Variants in GYS2 observed in about 807,000 individuals in gnomAD.
GYS2 encodes the protein glycogen synthase 2.
In GYS2, 80 loss-of-function variants were observed where a neutral mutation model predicts 85.6. The ratio of observed to expected loss-of-function variants is 0.93; its 90% CI spans 0.78 to 1.13. The LOEUF (loss-of-function observed/expected upper bound fraction) is 1.13. GYS2 is among the 50% of genes most tolerant of loss of function. The pLI, the probability that GYS2 is intolerant of heterozygous loss-of-function variation, is 0.00. For synonymous variants in GYS2, 328 were observed against 300.7 expected (o/e 1.09, Z -0.94); for missense variants, 881 against 854.9 (o/e 1.03, Z -0.38).
chr12:21,556,839 T>C (rs964363283), intron 11 of GYS2, among the ~76,000 whole-genome samples: 1 of 152,232 alleles, frequency 6.6e-6, no homozygotes, highest in Non-Finnish European at 1.5e-5. Flanking sequence ...CATGGTTTTG[T>C]AAAAACATCA....
intron 4 of GYS2, among the ~76,000 whole-genome samples, chr12:21,571,339 T>A (rs1341655156): frequency 6.6e-6 from 1 of 152,240 alleles, no homozygotes. Context: ...TTAAAATCTC[T>A]GTACAATAAT....
At chr12:21,584,192 G>A (rs942840298) in intron 1 of GYS2, among the ~76,000 whole-genome samples, 1 of 152,212 alleles carries the variant, frequency 6.6e-6, no homozygotes, top group African/African-American at 2.4e-5. Flanking sequence ...CACAGAAGGA[G>A]AAATGGCCAG....
downstream of GYS2, chr12:21,535,235 T>G (rs562038559): frequency 6.8e-6 from 1 of 147,556 alleles, no homozygotes; most frequent in Admixed American, 6.9e-5. Context: ...TAGGCATGTT[T>G]TCAATAACAG....
At chr12:21,538,648 T>C (rs1305792884) in intron 15 of GYS2, among the ~76,000 whole-genome samples, 1 of 152,140 alleles carries the variant, frequency 6.6e-6, no homozygotes, top group African/African-American at 2.4e-5. Flanking sequence ...AGCTCTTGGA[T>C]TGCTGTGTAG....
intron 14 of GYS2, among the ~76,000 whole-genome samples, chr12:21,539,660 T>C (rs1169343494): frequency 2.6e-5 from 4 of 152,110 alleles, no homozygotes; most frequent in Non-Finnish European, 4.4e-5. Context: ...GGAGAAAAGA[T>C]AGGGCCTGAA....
At chr12:21,554,309 T>C (rs989007224) in intron 11 of GYS2, among the ~76,000 whole-genome samples, 7 of 152,068 alleles carry the variant, frequency 4.6e-5, no homozygotes, top group Admixed American at 3.3e-4. Flanking sequence ...TGGGCTGCAG[T>C]CTGTGGTTCT....
Position 21,541,085 on chromosome 12 carries a change from C to A in GYS2, c.1646-512G>T, listed in dbSNP as rs572207406. On this transcript the variant is annotated intron_variant, in intron 13 of 15. Coordinates refer to ENST00000261195, the MANE Select transcript of GYS2 (RefSeq NM_021957.4). ...CCCAGGAGTTCAAGACCAACCTGGG[C>A]AACCTGGGGAAATCCCATCTCTACA... Among the ~76,000 whole-genome samples, 6 of 151,910 alleles carry A rather than the reference C, an allele frequency of 3.9e-5. No homozygotes were observed. The South Asian group carries it at 1.0e-3, about 26-fold the overall frequency.
chr12:21,590,135 C>T (rs1247993468), intron 1 of GYS2, among the ~76,000 whole-genome samples: 1 of 152,142 alleles, frequency 6.6e-6, no homozygotes, highest in Admixed American at 6.5e-5. Context: ...CCATTTATAG[C>T]TGCTGCCACT....
chr12:21,586,646 T>C (rs1351385827), intron 1 of GYS2, among the ~76,000 whole-genome samples: 2 of 152,172 alleles, frequency 1.3e-5, no homozygotes, highest in Admixed American at 1.3e-4. Flanking sequence ...CCAGTCAGAA[T>C]GGCTATCATT....
chr12:21,544,124 G>T (rs1036872889), intron 12 of GYS2, among the ~76,000 whole-genome samples: 2 of 152,102 alleles, frequency 1.3e-5, no homozygotes, highest in Non-Finnish European at 1.5e-5. Flanking sequence ...CTAGTAACAC[G>T]TAAAAAGATT....
intron 1 of GYS2, among the ~76,000 whole-genome samples, chr12:21,587,495 C>T (rs999424700): frequency 3.9e-5 from 6 of 152,056 alleles, no homozygotes; most frequent in East Asian, 1.9e-4. Flanking sequence ...GTTTTATAAG[C>T]GGCTTTTCCC....
chr12:21,557,727 G>A (rs946717076), intron 11 of GYS2, among the ~76,000 whole-genome samples: 2 of 152,026 alleles, frequency 1.3e-5, no homozygotes, highest in Non-Finnish European at 2.9e-5. Context: ...GTGAAACCCC[G>A]TCTCTACTAA....
chr12:21,568,795 G>A, intron 5 of GYS2, 70 bp downstream of exon 5: 1 of 1,398,090 alleles, frequency 7.2e-7, no homozygotes, highest in Non-Finnish European at 1.0e-6. Context: ...ACTTCACGAT[G>A]GAAAACAAAA....
At chr12:21,562,055 G>A (rs1007480013) in intron 7 of GYS2, among the ~76,000 whole-genome samples, 26 of 152,080 alleles carry the variant, frequency 1.7e-4, no homozygotes, top group African/African-American at 5.8e-4. Context: ...ACCAATAGCT[G>A]CCATCAATAG....
At chr12:21,587,065 A>C (rs1298803082) in intron 1 of GYS2, among the ~76,000 whole-genome samples, 3 of 152,194 alleles carry the variant, frequency 2.0e-5, no homozygotes, top group African/African-American at 7.2e-5. Context: ...TCCTCAGTGA[A>C]ATAACTCAGA....
intron 7 of GYS2, among the ~76,000 whole-genome samples, chr12:21,560,943 A>G (rs1283124444): frequency 1.3e-5 from 2 of 152,228 alleles, no homozygotes; most frequent in Non-Finnish European, 2.9e-5. Context: ...GGTAAAAGCT[A>G]AAATAATATT....
intron 11 of GYS2, among the ~76,000 whole-genome samples, chr12:21,547,610 G>A (rs61928672): frequency 0.11 from 17,049 of 152,182 alleles, 1,228 homozygotes; most frequent in Admixed American, 0.19. Context: ...GTTTCCAGGC[G>A]TCAGGGGTGA....
rs765980030 is a variant in GYS2, at chr12:21,604,602, A to G, written c.-10T>C. ...ATCGGCCTCGAAGCATTCTTCTTAC[A>G]GTCCTCCGAGACTCCTTTGAATTCC... is the stretch of plus-strand genomic sequence containing the variant. On this transcript the variant is annotated 5_prime_UTR_variant, in exon 1 of 16. Coordinates refer to ENST00000261195, the MANE Select transcript of GYS2 (RefSeq NM_021957.4). 1.2e-6 allele frequency: 2 copies of G among 1,612,270 alleles called. No homozygotes were observed. The highest frequency in any genetic ancestry group is 2.2e-5 in the South Asian group (2 of 91,056).
intron 1 of GYS2, among the ~76,000 whole-genome samples, chr12:21,588,186 A>G (rs1401244482): frequency 1.3e-5 from 2 of 152,194 alleles, no homozygotes; most frequent in African/African-American, 4.8e-5. Flanking sequence ...TTACTTATAT[A>G]TTACTTCTCA....
Sources: allele counts gnomAD v4.1 joint callset (sites outside exome capture counted in the v4.1 genomes callset), GRCh38; gene constraint gnomAD v4.1.1; transcripts MANE v1.5; gene names NCBI Gene and HGNC (gene_info 2026-07-23, HGNC 2026-07-21).